The following ROBO2 variants were observed in gnomAD, a reference collection of about 807,000 sequenced individuals.
ROBO2 encodes the protein roundabout homolog 2.
ROBO2 carries 53 observed loss-of-function variants against 160.8 expected under a neutral mutation model. The observed-to-expected ratio is 0.33, with a 90% CI of 0.26 to 0.41. ROBO2 has a LOEUF of 0.41. ROBO2 is among the 10% of genes least tolerant of loss of function. The pLI, the probability that ROBO2 is intolerant of heterozygous loss-of-function variation, is 1.00. For missense variants in ROBO2, 1,577 were observed against 1,722.4 expected (o/e 0.92, Z 1.49); for synonymous variants, 664 against 611.7 (o/e 1.09, Z -1.26).
intron 2 of ROBO2, among the ~76,000 whole-genome samples, chr3:76,751,672 C>G (rs1196354969): frequency 1.3e-5 from 2 of 151,840 alleles, no homozygotes; most frequent in African/African-American, 4.8e-5. Flanking sequence ...TTTATGCAGC[C>G]AACAGACACA....
At chr3:75,961,936 G>T (rs1948929313) in intron 2 of ROBO2, among the ~76,000 whole-genome samples, 1 of 151,066 alleles carries the variant, frequency 6.6e-6, no homozygotes, top group African/African-American at 2.4e-5. Context: ...TTAATATGTA[G>T]CAATCATTAA....
At chr3:77,422,945 C>A (rs561994133) in intron 2 of ROBO2, among the ~76,000 whole-genome samples, 1 of 152,168 alleles carries the variant, frequency 6.6e-6, no homozygotes, top group South Asian at 2.1e-4. Flanking sequence ...TACTATTTTT[C>A]ATTGTTTACC....
At chr3:77,384,215 C>T (rs141805655) in intron 2 of ROBO2, among the ~76,000 whole-genome samples, 1,624 of 152,056 alleles carry the variant, frequency 0.011, 19 homozygotes, top group Middle Eastern at 0.014. Flanking sequence ...GTATGCCAAC[C>T]GAAAGTCTTT....
intron 2 of ROBO2, among the ~76,000 whole-genome samples, chr3:76,325,680 A>C (rs557599246): frequency 6.6e-6 from 1 of 152,188 alleles, no homozygotes; most frequent in African/African-American, 2.4e-5. Flanking sequence ...CTCGAGATAC[A>C]GAGACAGTGC....
intron 2 of ROBO2, among the ~76,000 whole-genome samples, chr3:76,770,435 G>T (rs2061822818): frequency 6.6e-6 from 1 of 151,156 alleles, no homozygotes; most frequent in East Asian, 2.0e-4. Context: ...TTATGAGAAA[G>T]AAACACCTGG....
chr3:76,854,610 T>G (rs2148567005), intron 2 of ROBO2, among the ~76,000 whole-genome samples: 1 of 152,312 alleles, frequency 6.6e-6, no homozygotes, highest in Non-Finnish European at 1.5e-5. Context: ...AACTTATGCC[T>G]TCTTGTTTCA....
Position 76,375,543 on chromosome 3 carries a change from TACAGCTA to T in ROBO2, c.109+437943_109+437949del, listed in dbSNP as rs1183805886. ...ATTATACTGCCTGGAAAAGAAAGCC[TACAGCTA>T]AGTTGTTGATGAAATATGAAGTAGA... On this transcript the variant is annotated intron_variant, in intron 2 of 26. Transcript: ENST00000487694. 5.9e-5 allele frequency among the ~76,000 whole-genome samples: 9 copies of T among 151,986 alleles called. No individual in the cohort carries two copies. The South Asian group carries it at 1.7e-3, about 28-fold the overall frequency.
At chr3:77,505,463 A>G (rs533408618) in intron 5 of ROBO2, among the ~76,000 whole-genome samples, 1 of 152,254 alleles carries the variant, frequency 6.6e-6, no homozygotes, top group South Asian at 2.1e-4. Flanking sequence ...TAGAGAAGTC[A>G]AAAGGTATTA....
chr3:76,440,285 T>C (rs2109107303), intron 2 of ROBO2, among the ~76,000 whole-genome samples: 1 of 152,220 alleles, frequency 6.6e-6, no homozygotes. Context: ...AGTTTTAGGA[T>C]ACATGTGCAC....
chr3:76,057,228 C>A (rs1174141196), intron 2 of ROBO2, among the ~76,000 whole-genome samples: 2 of 152,152 alleles, frequency 1.3e-5, no homozygotes, highest in African/African-American at 4.8e-5. Context: ...CACCCACAGC[C>A]TGCAGTGCCT....
chr3:77,152,850 A>G (rs1312313468), intron 2 of ROBO2, among the ~76,000 whole-genome samples: 1 of 152,212 alleles, frequency 6.6e-6, no homozygotes, highest in Admixed American at 6.5e-5. Context: ...CAATTGTGCA[A>G]CTATTTCAGT....
intron 19 of ROBO2, among the ~76,000 whole-genome samples, chr3:77,599,560 A>G (rs1473279116): frequency 6.6e-6 from 1 of 151,612 alleles, no homozygotes; most frequent in Non-Finnish European, 1.5e-5. Context: ...TGACGAGTTA[A>G]TGGGTGCAGC....
intron 8 of ROBO2, among the ~76,000 whole-genome samples, chr3:77,554,271 T>A (rs1202996975): frequency 6.6e-6 from 1 of 151,838 alleles, no homozygotes; most frequent in African/African-American, 2.4e-5. Context: ...GAAAAAAAAA[T>A]TCCTTTCAAA....
At chr3:75,995,395 C>T (rs1444098490) in intron 2 of ROBO2, among the ~76,000 whole-genome samples, 2 of 152,118 alleles carry the variant, frequency 1.3e-5, no homozygotes, top group Admixed American at 1.3e-4. Context: ...AGCCCCAGGC[C>T]TTTGCAACTT....
At chr3:75,986,262 T>C (rs142344522) in intron 2 of ROBO2, among the ~76,000 whole-genome samples, 3 of 151,758 alleles carry the variant, frequency 2.0e-5, no homozygotes, top group African/African-American at 7.2e-5. Flanking sequence ...TATGTTCTTG[T>C]AGTTTTGATT....
chr3:76,251,970 A>C (rs959346015), intron 2 of ROBO2, among the ~76,000 whole-genome samples: 5 of 152,020 alleles, frequency 3.3e-5, no homozygotes, highest in Non-Finnish European at 7.4e-5. Flanking sequence ...TAAAACAATG[A>C]TATGTTGTTG....
intron 2 of ROBO2, among the ~76,000 whole-genome samples, chr3:76,225,588 G>A (rs1430849868): frequency 6.6e-6 from 1 of 152,078 alleles, no homozygotes; most frequent in Non-Finnish European, 1.5e-5. Flanking sequence ...GGCAGCATGT[G>A]CCTGTAATCC....
At chr3:76,736,856 A>C (rs904924820) in intron 2 of ROBO2, among the ~76,000 whole-genome samples, 1 of 152,334 alleles carries the variant, frequency 6.6e-6, no homozygotes, top group East Asian at 1.9e-4. Context: ...AGAGTTTAAA[A>C]CTTACTGCTT....
At chr3:77,369,770 A>G (rs1441275304) in intron 2 of ROBO2, among the ~76,000 whole-genome samples, 1 of 152,208 alleles carries the variant, frequency 6.6e-6, no homozygotes, top group African/African-American at 2.4e-5. Context: ...GAAATTGTCC[A>G]AATGGTGTAG....
Sources: gnomAD v4.1 joint callset for allele counts (sites outside exome capture counted in the v4.1 genomes callset) on GRCh38, gnomAD v4.1.1 for gene constraint, MANE v1.5 for transcripts, NCBI Gene and HGNC (gene_info 2026-07-23, HGNC 2026-07-21) for gene names.